The following KCNK10 variants were observed in gnomAD, a reference collection of about 807,000 sequenced individuals.
KCNK10 encodes the protein potassium two pore domain channel subfamily K member 10.
Under a neutral mutation model 47.7 loss-of-function variants are expected in KCNK10, and 25 were observed. That is an observed-to-expected ratio of 0.52 (90% CI 0.38 to 0.73). The LOEUF (loss-of-function observed/expected upper bound fraction) is 0.73. Ranked by LOEUF, KCNK10 falls within the 30% of genes least tolerant of loss-of-function variation. The pLI is 0.00. For missense variants in KCNK10, 563 were observed against 714.5 expected (o/e 0.79, Z 2.42); for synonymous variants, 303 against 285.6 (o/e 1.06, Z -0.61).
Position 88,185,782 on chromosome 14 carries a change from T to C in KCNK10, c.1385A>G (p.Lys462Arg), listed in dbSNP as rs1183560347. 3 of 1,614,218 alleles carry C rather than the reference T, an allele frequency of 1.9e-6. No homozygotes were observed. Among genetic ancestry groups the C allele is most frequent in the Non-Finnish European group, 2.5e-6 (3 of 1,180,038 alleles). The stretch of plus-strand genomic sequence containing the variant: ...CAAGGTCTTTTTGAGGTCCTTGTTT[T>C]TCCTCTTGGTGAGTCTGGAGGTGGA... The part of the protein sequence containing the change: ...FGSTSRLTKR[K>R]NKDLKKTLPE... The change falls in exon 7 of 7, where the codon AAA (lysine) becomes AGA (arginine). Residue 462 changes from lysine to arginine, a missense_variant. By Grantham distance (26) the Lys-to-Arg change is conservative. Coordinates refer to ENST00000319231, the MANE Select transcript of KCNK10 (RefSeq NM_138317.3). The surrounding 1 kb of genome is among the most constrained non-coding windows in gnomAD (Gnocchi z 4.3).
chr14:88,275,846 G>A (rs889324355), intron 1 of KCNK10, among the ~76,000 whole-genome samples: 6 of 147,190 alleles, frequency 4.1e-5, no homozygotes, highest in Admixed American at 7.0e-5. Context: ...CAGCCTGGGC[G>A]ACAGAGGGAG....
intron 1 of KCNK10, among the ~76,000 whole-genome samples, chr14:88,294,166 A>G (rs1313734027): frequency 2.0e-5 from 3 of 152,210 alleles, no homozygotes; most frequent in South Asian, 4.1e-4. Flanking sequence ...GGCAAAGCCA[A>G]TTAGCACATT....
chr14:88,242,493 G>A (rs1886508226), intron 2 of KCNK10, among the ~76,000 whole-genome samples: 1 of 152,198 alleles, frequency 6.6e-6, no homozygotes, highest in African/African-American at 2.4e-5. Context: ...GGGGAAAAAA[G>A]CACCTTCTGT....
chr14:88,231,137 C>T (rs982185286), intron 3 of KCNK10, among the ~76,000 whole-genome samples: 3 of 151,912 alleles, frequency 2.0e-5, no homozygotes, highest in African/African-American at 4.8e-5. Flanking sequence ...TTAATTAGCC[C>T]GGCATGGTGG....
At chr14:88,268,206 A>G (rs2139759863) in intron 1 of KCNK10, among the ~76,000 whole-genome samples, 1 of 152,314 alleles carries the variant, frequency 6.6e-6, no homozygotes, top group South Asian at 2.1e-4. Context: ...CTTGAGCTGA[A>G]GTTAGCTGTC....
upstream of KCNK10, among the ~76,000 whole-genome samples, chr14:88,325,399 A>G (rs181156984): frequency 2.0e-5 from 3 of 152,258 alleles, no homozygotes; most frequent in East Asian, 5.8e-4. Context: ...ATTCCCCCTC[A>G]CCATCTCATA....
intron 1 of KCNK10, among the ~76,000 whole-genome samples, chr14:88,303,852 C>T (rs1888154944): frequency 1.3e-5 from 2 of 152,096 alleles, no homozygotes; most frequent in African/African-American, 4.8e-5. Context: ...TCTAAAAAAA[C>T]TCCCTCCAAT....
At chr14:88,256,171 G>A (rs1023094820) in intron 2 of KCNK10, among the ~76,000 whole-genome samples, 1 of 152,154 alleles carries the variant, frequency 6.6e-6, no homozygotes, top group South Asian at 2.1e-4. Context: ...AGTGGAATTC[G>A]GATTAGCATC....
At chr14:88,248,540 G>A (rs1006753870) in intron 2 of KCNK10, among the ~76,000 whole-genome samples, 3 of 152,058 alleles carry the variant, frequency 2.0e-5, no homozygotes, top group African/African-American at 4.8e-5. Context: ...GCCAGCCTGG[G>A]CAACATGGCA....
chr14:88,323,862 C>T (rs117862606), upstream of KCNK10: 4,079 of 152,708 alleles, frequency 0.027, 84 homozygotes, highest in Middle Eastern at 0.1. Context: ...TTTTTTTCCT[C>T]CCGCGTCTGG....
chr14:88,212,132 C>T (rs200563688), intron 4 of KCNK10, among the ~76,000 whole-genome samples: 8 of 118,640 alleles, frequency 6.7e-5, no homozygotes, highest in African/African-American at 2.3e-4. Context: ...ATATATATAT[C>T]GAGAGAGAGA....
intron 1 of KCNK10, among the ~76,000 whole-genome samples, chr14:88,278,390 CT>C (rs1347804790): frequency 6.6e-6 from 1 of 152,194 alleles, no homozygotes; most frequent in Non-Finnish European, 1.5e-5. Context: ...TAAGCAGCCA[CT>C]GTGAACATAT....
intron 4 of KCNK10, among the ~76,000 whole-genome samples, chr14:88,207,473 C>G (rs1885319652): frequency 6.6e-6 from 1 of 152,184 alleles, no homozygotes; most frequent in Admixed American, 6.5e-5. Context: ...AGCGCCAGCC[C>G]AAGGTCACTC....
At chr14:88,274,571 T>C (rs998110409) in intron 1 of KCNK10, among the ~76,000 whole-genome samples, 1 of 27,334 alleles carries the variant, frequency 3.7e-5, no homozygotes, top group Admixed American at 3.6e-4. Flanking sequence ...AAAAAAGATC[T>C]TATGGCTTAA....
At chr14:88,288,790 T>C (rs1887821234) in intron 1 of KCNK10, among the ~76,000 whole-genome samples, 1 of 152,136 alleles carries the variant, frequency 6.6e-6, no homozygotes, top group African/African-American at 2.4e-5. Flanking sequence ...ACGTGTGTTG[T>C]TCCCTCAACC....
intron 4 of KCNK10, among the ~76,000 whole-genome samples, chr14:88,221,540 C>T (rs759028629): frequency 1.3e-5 from 2 of 152,012 alleles, no homozygotes; most frequent in Non-Finnish European, 2.9e-5. Context: ...TTCAGAACAC[C>T]GACAACAGCA....
intron 1 of KCNK10, among the ~76,000 whole-genome samples, chr14:88,273,335 C>T (rs1428607613): frequency 1.3e-5 from 2 of 152,168 alleles, no homozygotes; most frequent in African/African-American, 4.8e-5. Context: ...GCCTGACCCA[C>T]AGGAAGTCTC....
At chr14:88,302,499 C>A (rs1236950389) in intron 1 of KCNK10, among the ~76,000 whole-genome samples, 1 of 152,186 alleles carries the variant, frequency 6.6e-6, no homozygotes, top group Non-Finnish European at 1.5e-5. Flanking sequence ...CACCTGAGGT[C>A]AGGAGTTCAA....
chr14:88,237,888 C>T (rs988100811), intron 3 of KCNK10, among the ~76,000 whole-genome samples: 2 of 152,158 alleles, frequency 1.3e-5, no homozygotes, highest in Non-Finnish European at 2.9e-5. Flanking sequence ...AGCTGCATAG[C>T]CCCTAACAAA....
Sources: allele counts gnomAD v4.1 joint callset (sites outside exome capture counted in the v4.1 genomes callset), GRCh38; gene constraint gnomAD v4.1.1; non-coding constraint Gnocchi (gnomAD v3.1); transcripts MANE v1.5; gene names NCBI Gene and HGNC (gene_info 2026-07-23, HGNC 2026-07-21).